Variants in DROSHA observed in about 807,000 individuals in gnomAD.
DROSHA encodes drosha ribonuclease III, also known as ribonuclease 3.
Under a neutral mutation model 181.9 loss-of-function variants are expected in DROSHA, and 56 were observed. The ratio of observed to expected loss-of-function variants is 0.31; its 90% CI spans 0.25 to 0.38. DROSHA has a LOEUF of 0.38. Among genes scored for constraint, DROSHA ranks in the 10% least tolerant of loss-of-function variants. The pLI, the probability that DROSHA is intolerant of heterozygous loss-of-function variation, is 1.00. For missense variants in DROSHA, 1,218 were observed against 1,743.5 expected (o/e 0.70, Z 5.37); for synonymous variants, 524 against 591.2 (o/e 0.89, Z 1.65).
chr5:31,528,719 C>T (rs751050301), intron 4 of DROSHA, among the ~76,000 whole-genome samples: 3 of 152,210 alleles, frequency 2.0e-5, no homozygotes, highest in Non-Finnish European at 4.4e-5. Context: ...GCTCTCACAA[C>T]ACTCTGTGCT....
At chr5:31,482,188 C>A (rs923428960) in intron 16 of DROSHA, among the ~76,000 whole-genome samples, 1 of 152,202 alleles carries the variant, frequency 6.6e-6, no homozygotes, top group African/African-American at 2.4e-5. Context: ...AGCTCCCCAA[C>A]CAAGATTATA....
In DROSHA at chr5:31,421,689, A is replaced by T. The variant is rs182977293; in HGVS notation, c.3420-312T>A. 4 of 228,278 alleles carry T rather than the reference A, an allele frequency of 1.8e-5. No individual in the cohort carries two copies. In the East Asian group the frequency reaches 3.9e-4, roughly 22 times the overall value. 14.1% of individuals were successfully genotyped at this position (228,278 alleles called of 1,614,324 possible). ...AAAAATCAAGCATAATACAAACAAC[A>T]ATCTTGAAAGAAAGCAAACAGGTCC... On this transcript the variant is annotated intron_variant, in intron 29 of 35. Transcript: ENST00000344624.
At chr5:31,408,946 C>T in intron 33 of DROSHA, 110 bp downstream of exon 33, 1 of 1,001,290 alleles carries the variant, frequency 1.0e-6, no homozygotes. Flanking sequence ...AGTCTCAATC[C>T]TGGGCTCCTG....
Position 31,421,340 on chromosome 5 carries a change from T to C in DROSHA, c.3457A>G (p.Ile1153Val), listed in dbSNP as rs1176489353. Reference sequence around the variant, plus strand: ...TACTCTGTGGCTACCAGTTGCATTATGGAGTCACCTAGGAATTCCATTCTC... The same window carrying C: ...TACTCTGTGGCTACCAGTTGCATTACGGAGTCACCTAGGAATTCCATTCTC... The part of the protein sequence containing the change: ...NQRMEFLGDS[I>V]MQLVATEYLF... Residue 1153 changes from isoleucine (I) to valine (V), a missense_variant, in exon 30 of 36, where the codon ATA (isoleucine) becomes GTA (valine). Ile to Val is a conservative substitution (Grantham distance 29). Coordinates refer to ENST00000344624, the MANE Select transcript of DROSHA (RefSeq NM_001382508.1). 6.2e-7 allele frequency: 1 copy of C among 1,613,700 alleles called. No homozygotes were observed. The highest frequency in any genetic ancestry group is 8.5e-7 in the Non-Finnish European group (1 of 1,179,718).
chr5:31,527,292 C>T (rs533040724), intron 4 of DROSHA, among the ~76,000 whole-genome samples: 8 of 152,214 alleles, frequency 5.3e-5, no homozygotes, highest in Admixed American at 5.2e-4. Context: ...CCCCAGCCCC[C>T]ACTCCCATCT....
At chr5:31,444,982 G>T (rs1746074601) in intron 23 of DROSHA, among the ~76,000 whole-genome samples, 1 of 152,240 alleles carries the variant, frequency 6.6e-6, no homozygotes, top group Non-Finnish European at 1.5e-5. Flanking sequence ...GGAAAAGGAA[G>T]CCGTGTCAGC....
At chr5:31,520,557 C>A (rs1004257593) in intron 6 of DROSHA, among the ~76,000 whole-genome samples, 1 of 152,140 alleles carries the variant, frequency 6.6e-6, no homozygotes, top group East Asian at 1.9e-4. Context: ...GTACATATAA[C>A]TGTCCTTATT....
chr5:31,450,858 G>C lies in DROSHA; in HGVS notation c.2682+675C>G, dbSNP rs55749038. Among the ~76,000 whole-genome samples, 4 of 152,006 alleles carry C rather than the reference G, an allele frequency of 2.6e-5. No individual in the cohort carries two copies. The South Asian group carries it at 6.2e-4, about 24-fold the overall frequency. ...AAAGTGGCCAAAACAAACAAAAAAC[G>C]AATTTCCAGATCTCTGACGCAAGCC... On this transcript the variant is annotated intron_variant, in intron 21 of 35. Coordinates refer to ENST00000344624, the MANE Select transcript of DROSHA (RefSeq NM_001382508.1).
Position 31,424,413 on chromosome 5 carries a change from G to T in DROSHA, c.3261+14C>A. On this transcript the variant is annotated intron_variant, in intron 28 of 35. Coordinates refer to ENST00000344624, the MANE Select transcript of DROSHA (RefSeq NM_001382508.1). ...AGTTATAAAGCTCACTGCAGACAGGGAGGTCATACTTACTTGGAGTGGGTG... is the reference window on the plus strand; with the variant it reads ...AGTTATAAAGCTCACTGCAGACAGGTAGGTCATACTTACTTGGAGTGGGTG... The T allele has an allele frequency of 6.3e-7, 1 of 1,596,164 alleles. No homozygotes were observed. The highest frequency in any genetic ancestry group is 2.3e-5 in the East Asian group (1 of 44,278).
rs538758354 is a variant in DROSHA, at chr5:31,452,205, C to T, written c.2575-565G>A. Among the ~76,000 whole-genome samples, 15 of 152,300 alleles carry T rather than the reference C, an allele frequency of 9.8e-5. No homozygotes were observed. The East Asian group carries it at 2.9e-3, about 29-fold the overall frequency. On this transcript the variant is annotated intron_variant, in intron 20 of 35. Transcript: ENST00000344624. ...TTTTGGGAATCCAAGGAAAATGACT[C>T]TTTCCCCAGAAAAATGTCCCTGTGC...
intron 21 of DROSHA, among the ~76,000 whole-genome samples, chr5:31,449,962 G>GA (rs1220168930): frequency 6.6e-6 from 1 of 151,766 alleles, no homozygotes; most frequent in African/African-American, 2.4e-5. Context: ...AAATCAGCAA[G>GA]AAAAAATAAT....
chr5:31,483,098 AC>A (rs1751222790), intron 16 of DROSHA, among the ~76,000 whole-genome samples: 1 of 152,216 alleles, frequency 6.6e-6, no homozygotes, highest in African/African-American at 2.4e-5. Context: ...ATTATTTTAT[AC>A]CTTTTTTTCA....
intron 15 of DROSHA, 37 bp downstream of exon 15, chr5:31,484,844 A>G (rs1221482561): frequency 2.1e-6 from 3 of 1,419,708 alleles, no homozygotes; most frequent in Non-Finnish European, 1.9e-6. Flanking sequence ...ATGTTCTTCC[A>G]TAAACACTAC....
rs1747685231 is a variant in DROSHA at position 31,456,499 on chromosome 5, C to CAG, written c.2575-4860_2575-4859insCT. On this transcript the variant is annotated intron_variant, in intron 20 of 35. Transcript: ENST00000344624. ...ACACACACACACACACACACAGACA[C>CAG]ACACACACAGAGAGAGGAAGAGAAG... Among the ~76,000 whole-genome samples, 8 of 141,400 alleles carry CAG rather than the reference C, an allele frequency of 5.7e-5. No individual in the cohort carries two copies. In the South Asian group the frequency reaches 1.6e-3, roughly 29 times the overall value. The allele number at this position is 141,400 out of a possible 152,430, so 92.8% of individuals were successfully genotyped here. A position where few individuals can be genotyped will look rare whatever the true frequency, so the allele number is the denominator to read the frequency against.
At chr5:31,424,327 G>C in intron 28 of DROSHA, 100 bp downstream of exon 28, 1 of 1,436,506 alleles carries the variant, frequency 7.0e-7, no homozygotes, top group East Asian at 2.5e-5. Flanking sequence ...CCACCGAAGA[G>C]AATCAAAAGA....
chr5:31,435,397 A>G (rs200253840), intron 25 of DROSHA, among the ~76,000 whole-genome samples: 1 of 152,236 alleles, frequency 6.6e-6, no homozygotes, highest in Admixed American at 6.5e-5. Flanking sequence ...GTTAATGTAA[A>G]TTAAAAACAA....
intron 26 of DROSHA, among the ~76,000 whole-genome samples, chr5:31,430,381 A>G (rs1386276204): frequency 6.6e-6 from 1 of 152,194 alleles, no homozygotes; most frequent in Non-Finnish European, 1.5e-5. Context: ...GGATGTTAGA[A>G]AAGACTTACA....
intron 25 of DROSHA, 82 bp from the exon 26 acceptor site, chr5:31,431,760 T>G (rs1360959076): frequency 7.4e-7 from 1 of 1,348,628 alleles, no homozygotes; most frequent in Non-Finnish European, 1.1e-6. Flanking sequence ...TTGCAGAGAG[T>G]TGGTGCGGAG....
chr5:31,509,389 C>T (rs552641628), intron 9 of DROSHA, among the ~76,000 whole-genome samples: 30 of 152,172 alleles, frequency 2.0e-4, no homozygotes, highest in African/African-American at 7.2e-4. Context: ...TAGTTTAACA[C>T]TTAAGCTATG....
Sources: allele counts gnomAD v4.1 joint callset (sites outside exome capture counted in the v4.1 genomes callset), GRCh38; gene constraint gnomAD v4.1.1; transcripts MANE v1.5; gene names NCBI Gene and HGNC (gene_info 2026-07-23, HGNC 2026-07-21).